Variants in METAP1 observed in about 807,000 individuals in gnomAD.
METAP1 encodes the protein methionyl aminopeptidase 1.
In METAP1, 28 loss-of-function variants were observed where a neutral mutation model predicts 53.8. The ratio of observed to expected loss-of-function variants is 0.52; its 90% CI spans 0.39 to 0.71. The LOEUF is 0.71. Among genes scored for constraint, METAP1 ranks in the 30% least tolerant of loss-of-function variants. METAP1 has a pLI of 0.00. For synonymous variants in METAP1, 181 were observed against 165.7 expected, an observed-to-expected ratio of 1.09 and a Z score of -0.71; for missense variants, 389 against 479.8, an observed-to-expected ratio of 0.81 and a Z score of 1.77.
intron 2 of METAP1, chr4:99,031,351 C>T (rs1015221749): frequency 1.3e-5 from 9 of 685,740 alleles, no homozygotes; most frequent in Non-Finnish European, 1.4e-5. Flanking sequence ...GTGTTTGTTT[C>T]TCATTTTCCT....
intron 2 of METAP1, among the ~76,000 whole-genome samples, chr4:99,029,885 C>A (rs995275270): frequency 6.6e-6 from 1 of 151,962 alleles, no homozygotes; most frequent in African/African-American, 2.4e-5. Flanking sequence ...TTGTATAAAG[C>A]GACATCTACA....
intron 1 of METAP1, among the ~76,000 whole-genome samples, chr4:99,014,338 A>G (rs1417780193): frequency 6.6e-6 from 1 of 152,210 alleles, no homozygotes; most frequent in Non-Finnish European, 1.5e-5. Context: ...CTTAATCATT[A>G]CGCAAACACC....
intron 1 of METAP1, among the ~76,000 whole-genome samples, chr4:99,004,578 A>G (rs1723092245): frequency 6.6e-6 from 1 of 152,104 alleles, no homozygotes; most frequent in South Asian, 2.1e-4. Context: ...CTATATACCT[A>G]CCATCTAACT....
At chr4:99,022,200 C>CA (rs1415615876) in intron 1 of METAP1, 13 of 374,770 alleles carry the variant, frequency 3.5e-5, no homozygotes, top group Middle Eastern at 1.4e-3. Flanking sequence ...TCACCAGAGA[C>CA]ACTGGTCTAG....
At chr4:99,039,027 T>C (rs1472387059) in intron 4 of METAP1, among the ~76,000 whole-genome samples, 1 of 152,204 alleles carries the variant, frequency 6.6e-6, no homozygotes, top group African/African-American at 2.4e-5. Context: ...ATGAGATGAT[T>C]ATGAAAGTAA....
At chr4:99,041,700 G>A (rs756823971) in intron 6 of METAP1, among the ~76,000 whole-genome samples, 20 of 151,814 alleles carry the variant, frequency 1.3e-4, no homozygotes, top group Non-Finnish European at 2.5e-4. Flanking sequence ...ACGTGTTCTA[G>A]TAAACAAATA....
intron 2 of METAP1, among the ~76,000 whole-genome samples, chr4:99,029,308 A>G (rs1283190906): frequency 1.3e-5 from 2 of 152,036 alleles, no homozygotes; most frequent in Admixed American, 6.5e-5. Flanking sequence ...TTCAATTTGT[A>G]TTGCTTTTTC....
chr4:99,008,737 T>A (rs1723309481), intron 1 of METAP1, among the ~76,000 whole-genome samples: 1 of 152,210 alleles, frequency 6.6e-6, no homozygotes, highest in African/African-American at 2.4e-5. Context: ...GAGGATTAAT[T>A]CTCTGCCTAA....
At chr4:99,037,410 C>T (rs1245587719) in intron 4 of METAP1, among the ~76,000 whole-genome samples, 1 of 151,860 alleles carries the variant, frequency 6.6e-6, no homozygotes, top group Non-Finnish European at 1.5e-5. Context: ...CCTATGTTTT[C>T]TTCTAGCATT....
At chr4:99,041,582 G>C (rs1725870163) in intron 6 of METAP1, among the ~76,000 whole-genome samples, 2 of 151,908 alleles carry the variant, frequency 1.3e-5, no homozygotes, top group South Asian at 4.1e-4. Flanking sequence ...AAGATTGTCT[G>C]CCCATCAAAG....
At chr4:99,030,304 T>C (rs1180163014) in intron 2 of METAP1, among the ~76,000 whole-genome samples, 5 of 152,174 alleles carry the variant, frequency 3.3e-5, no homozygotes, top group Non-Finnish European at 5.9e-5. Context: ...TCCTTTTGAC[T>C]TACACTACAA....
intron 9 of METAP1, among the ~76,000 whole-genome samples, chr4:99,051,867 C>T (rs1726740653): frequency 6.6e-6 from 1 of 151,670 alleles, no homozygotes; most frequent in Non-Finnish European, 1.5e-5. Context: ...GAGGGAAGAA[C>T]CAGGAAATTG....
chr4:99,054,395 C>T (rs552584793), intron 9 of METAP1, among the ~76,000 whole-genome samples: 88 of 152,270 alleles, frequency 5.8e-4, no homozygotes, highest in African/African-American at 1.9e-3. Context: ...TCTCAGCCTT[C>T]GTAGAATTGA....
chr4:99,043,283 T>G lies in METAP1; in HGVS notation c.551T>G (p.Leu184Arg). The G allele has an allele frequency of 6.2e-7, 1 of 1,603,484 alleles. No homozygotes were observed. Among genetic ancestry groups the G allele is most frequent in the Non-Finnish European group, 8.5e-7 (1 of 1,172,478 alleles). Reference sequence around the variant, plus strand: ...GCAAGAAATTGCTACCCTTCTCCCCTGAATTATTATAATTTCCCAAAGTCT... The same window carrying G: ...GCAAGAAATTGCTACCCTTCTCCCCGGAATTATTATAATTTCCCAAAGTCT... ...CIARNCYPSP[L>R]NYYNFPKSCC... Residue 184 changes from leucine to arginine, a missense_variant, in exon 7 of 11, where the codon CTG becomes CGG. Leu to Arg is a moderately radical substitution (Grantham distance 102, BLOSUM62 -2). Coordinates refer to ENST00000296411, the MANE Select transcript of METAP1 (RefSeq NM_015143.3).
chr4:99,008,993 T>G (rs991141389), intron 1 of METAP1, among the ~76,000 whole-genome samples: 2 of 152,188 alleles, frequency 1.3e-5, no homozygotes, highest in African/African-American at 4.8e-5. Context: ...ACGTTTTCAT[T>G]TTGCAGAACT....
chr4:99,049,286 C>T (rs1275331214), intron 9 of METAP1, among the ~76,000 whole-genome samples: 2 of 152,142 alleles, frequency 1.3e-5, no homozygotes, highest in Non-Finnish European at 2.9e-5. Flanking sequence ...GGAATTCAGT[C>T]ACATGGCTAC....
At chr4:99,016,564 A>G (rs1327513875) in intron 1 of METAP1, among the ~76,000 whole-genome samples, 1 of 152,228 alleles carries the variant, frequency 6.6e-6, no homozygotes, top group Non-Finnish European at 1.5e-5. Context: ...TAAGGCCGTC[A>G]CTATATTACT....
chr4:99,011,881 G>A (rs1286506005), intron 1 of METAP1, among the ~76,000 whole-genome samples: 1 of 152,100 alleles, frequency 6.6e-6, no homozygotes, highest in East Asian at 1.9e-4. Context: ...CGGAGGTTGC[G>A]GTGAGCAGAG....
intron 1 of METAP1, chr4:99,022,641 G>A: frequency 1.1e-6 from 1 of 914,832 alleles, no homozygotes; most frequent in South Asian, 1.5e-5. Flanking sequence ...GTGCACACCT[G>A]GCGCTCAAAG....
Sources: allele counts gnomAD v4.1 joint callset (sites outside exome capture counted in the v4.1 genomes callset), GRCh38; gene constraint gnomAD v4.1.1; transcripts MANE v1.5; gene names NCBI Gene and HGNC (gene_info 2026-07-23, HGNC 2026-07-21).